The following NR3C1 variants were observed in gnomAD, a reference collection of about 807,000 sequenced individuals.
NR3C1 encodes glucocorticoid receptor.
Under a neutral mutation model 74.0 loss-of-function variants are expected in NR3C1, and 14 were observed. The observed-to-expected ratio is 0.19, with a 90% CI of 0.12 to 0.30. The LOEUF (loss-of-function observed/expected upper bound fraction) is 0.30. NR3C1 is among the 10% of genes least tolerant of loss of function. The probability of loss-of-function intolerance (pLI) is 1.00; values close to 1 mark genes in which losing one functional copy is unlikely to be tolerated. For synonymous variants in NR3C1, 308 were observed against 332.5 expected (o/e 0.93, Z 0.80); for missense variants, 695 against 909.8 (o/e 0.76, Z 3.04).
chr5:143,326,939 CAATTT>C (rs2151678461), intron 2 of NR3C1, among the ~76,000 whole-genome samples: 1 of 152,274 alleles, frequency 6.6e-6, no homozygotes, highest in South Asian at 2.1e-4. Flanking sequence ...TCTAGTTATT[CAATTT>C]AAAGGACACT....
rs1329779237 is a variant in NR3C1, at chr5:143,280,974, A to C, written c.*915T>G. ...TTAGGTACAGACAGGGCCTCTTGGT[A>C]GTTATTTTTTAAATTAGTCTTTTGC... is the stretch of plus-strand genomic sequence containing the variant. On this transcript the variant is annotated 3_prime_UTR_variant, in exon 9 of 9. Coordinates refer to ENST00000394464, the MANE Select transcript of NR3C1 (RefSeq NM_000176.3). 1 of 152,168 alleles carries C rather than the reference A, an allele frequency of 6.6e-6. No individual in the cohort carries two copies. Among genetic ancestry groups the C allele is most frequent in the African/African-American group, 2.4e-5 (1 of 41,456 alleles). 9.4% of individuals were successfully genotyped at this position (152,168 alleles called of 1,614,324 possible). A position where few individuals can be genotyped will look rare whatever the true frequency, so the allele number is the denominator to read the frequency against.
At chr5:143,425,396 T>C (rs186088011) in intron 1 of NR3C1, among the ~76,000 whole-genome samples, 69 of 152,196 alleles carry the variant, frequency 4.5e-4, no homozygotes, top group African/African-American at 1.6e-3. Flanking sequence ...TCAAAAGACG[T>C]TGTGAAGAAA....
chr5:143,288,473 G>C (rs545537141), intron 7 of NR3C1, among the ~76,000 whole-genome samples: 9 of 151,746 alleles, frequency 5.9e-5, no homozygotes, highest in African/African-American at 2.2e-4. Context: ...TAGATTCAAG[G>C]CTATCCTAAT....
At chr5:143,346,190 C>A (rs1284464311) in intron 2 of NR3C1, among the ~76,000 whole-genome samples, 4 of 152,230 alleles carry the variant, frequency 2.6e-5, no homozygotes. Context: ...GAGATGATAT[C>A]TACTTGCTCA....
Position 143,400,114 on chromosome 5 carries a change from A to T in NR3C1, c.726T>A (p.Asn242Lys), listed in dbSNP as rs1600605004. Residue 242 changes from asparagine to lysine, a missense_variant, in exon 2 of 9, where the codon AAT becomes AAA. Physicochemically the swap from Asn to Lys is moderately conservative, Grantham distance 94. Transcript: ENST00000394464. ...GTAAAATGAGAGGCTTGCAGTCCTC[A>T]TTCGAGTTTCCTTCCAAAAGGAATG... is the stretch of plus-strand genomic sequence containing the variant. Reference protein sequence around the residue: ...DDSFLLEGNSNEDCKPLILPD... With the variant: ...DDSFLLEGNSKEDCKPLILPD... 1 of 1,614,234 alleles carries T rather than the reference A, an allele frequency of 6.2e-7. No homozygotes were observed. Among genetic ancestry groups the T allele is most frequent in the Non-Finnish European group, 8.5e-7 (1 of 1,180,036 alleles).
chr5:143,429,759 T>C (rs1232575842), intron 1 of NR3C1, among the ~76,000 whole-genome samples: 1 of 152,192 alleles, frequency 6.6e-6, no homozygotes, highest in Admixed American at 6.5e-5. Flanking sequence ...TTAATTATAT[T>C]GCATCCATAA....
rs10482679 is a variant in NR3C1 at position 143,299,997 on chromosome 5, T to C, written c.1747+488A>G. On this transcript the variant is annotated intron_variant, in intron 5 of 8. Transcript: ENST00000394464. ...ACACCAAATTCCAATAGGGTAACTTTTATTTAAAATTATCTTTAAAATTAC... is the reference window on the plus strand; with the variant it reads ...ACACCAAATTCCAATAGGGTAACTTCTATTTAAAATTATCTTTAAAATTAC... Among the ~76,000 whole-genome samples, 489 of 152,370 alleles carry C rather than the reference T, an allele frequency of 3.2e-3. 15 individuals carry two copies. The highest frequency in any genetic ancestry group is 0.03 in the Admixed American group (459 of 15,302).
chr5:143,403,889 TC>T (rs1325352609), upstream of NR3C1: 2 of 977,508 alleles, frequency 2.0e-6, no homozygotes, highest in African/African-American at 3.5e-5. Context: ...CACGCCCGCG[TC>T]CCCTGGCGTG....
intron 2 of NR3C1, among the ~76,000 whole-genome samples, chr5:143,350,726 TGAGAA>T: frequency 6.6e-6 from 1 of 151,926 alleles, no homozygotes; most frequent in Non-Finnish European, 1.5e-5. Flanking sequence ...AAGGAGAAAA[TGAGAA>T]GAGGGCCTAG....
At chr5:143,342,890 T>G (rs981139627) in intron 2 of NR3C1, among the ~76,000 whole-genome samples, 1 of 152,172 alleles carries the variant, frequency 6.6e-6, no homozygotes, top group Non-Finnish European at 1.5e-5. Context: ...TCTTCTGATT[T>G]GCTACGAGCT....
intron 1 of NR3C1, among the ~76,000 whole-genome samples, chr5:143,410,999 A>G (rs1841271723): frequency 6.6e-6 from 1 of 152,202 alleles, no homozygotes; most frequent in Non-Finnish European, 1.5e-5. Context: ...CTCACAATCA[A>G]ATATTTTAAC....
At chr5:143,403,166 C>A (rs1840672887) in intron 1 of NR3C1, 45 bp downstream of exon 1, 3 of 984,016 alleles carry the variant, frequency 3.0e-6, no homozygotes, top group Non-Finnish European at 3.6e-6. Context: ...AGCGGCACCT[C>A]GGGGGAGCGA....
intron 2 of NR3C1, among the ~76,000 whole-genome samples, chr5:143,321,382 A>G (rs1823335680): frequency 6.6e-6 from 1 of 152,038 alleles, no homozygotes. Flanking sequence ...CCTATTTATT[A>G]CTCCCTGTAA....
chr5:143,295,385 T>TA, intron 7 of NR3C1, 75 bp downstream of exon 7: 2 of 1,582,928 alleles, frequency 1.3e-6, no homozygotes, highest in Admixed American at 1.7e-5. Flanking sequence ...TAGTACTATG[T>TA]ATATAAATTA....
chr5:143,341,373 T>A (rs1828189166), intron 2 of NR3C1, among the ~76,000 whole-genome samples: 1 of 152,200 alleles, frequency 6.6e-6, no homozygotes, highest in Non-Finnish European at 1.5e-5. Context: ...AAAGGAGACA[T>A]TCTATTTAAG....
intron 2 of NR3C1, among the ~76,000 whole-genome samples, chr5:143,316,230 A>T (rs958919660): frequency 6.6e-6 from 1 of 152,146 alleles, no homozygotes. Flanking sequence ...ATGGTGCGAC[A>T]ATGTGTTGGG....
At chr5:143,345,693 A>T (rs1018933758) in intron 2 of NR3C1, among the ~76,000 whole-genome samples, 1 of 152,214 alleles carries the variant, frequency 6.6e-6, no homozygotes, top group Admixed American at 6.5e-5. Flanking sequence ...GATTTCATCC[A>T]CCATCACTAT....
chr5:143,309,293 G>C (rs1488496575), intron 4 of NR3C1, among the ~76,000 whole-genome samples: 1 of 152,116 alleles, frequency 6.6e-6, no homozygotes, highest in Non-Finnish European at 1.5e-5. Flanking sequence ...GGATGATCTT[G>C]ATCTCTTGAC....
rs1355833144 is a variant in NR3C1 at position 143,294,264 on chromosome 5, A to T, written c.2023+1196T>A. The T allele has an allele frequency of 2.6e-5, 26 of 982,532 alleles. No homozygotes were observed. In the South Asian group the frequency reaches 4.7e-4, roughly 18 times the overall value. The allele number at this position is 982,532 out of a possible 1,614,324, so 60.9% of individuals were successfully genotyped here. On this transcript the variant is annotated intron_variant, in intron 7 of 8. Coordinates refer to ENST00000394464, the MANE Select transcript of NR3C1 (RefSeq NM_000176.3). ...GTTACTAATGGAATTAAGACTTTTT[A>T]AAAAATTGCAAATGTACTTATTTGT...
Sources: allele counts gnomAD v4.1 joint callset (sites outside exome capture counted in the v4.1 genomes callset), GRCh38; gene constraint gnomAD v4.1.1; transcripts MANE v1.5; gene names NCBI Gene and HGNC (gene_info 2026-07-23, HGNC 2026-07-21).